The following ZDHHC14 variants were observed in gnomAD, a reference collection of about 807,000 sequenced individuals.
The protein encoded by ZDHHC14 is palmitoyltransferase ZDHHC14.
Under a neutral mutation model 47.7 loss-of-function variants are expected in ZDHHC14, and 16 were observed. That is an observed-to-expected ratio of 0.34 (90% CI 0.23 to 0.51). ZDHHC14 has a LOEUF of 0.51. Among genes scored for constraint, ZDHHC14 ranks in the 20% least tolerant of loss-of-function variants. The pLI is 0.97. For missense variants in ZDHHC14, 515 were observed against 662.5 expected (o/e 0.78, Z 2.44); for synonymous variants, 293 against 278.9 (o/e 1.05, Z -0.50).
At chr6:157,588,682 C>T (rs1783788095) in intron 2 of ZDHHC14, among the ~76,000 whole-genome samples, 1 of 152,206 alleles carries the variant, frequency 6.6e-6, no homozygotes, top group African/African-American at 2.4e-5. Flanking sequence ...TGTGGCCCCT[C>T]ACCTGACTAA....
chr6:157,522,961 CTTTCT>C (rs374064586), intron 1 of ZDHHC14, among the ~76,000 whole-genome samples: 1,996 of 46,342 alleles, frequency 0.043, 160 homozygotes, highest in South Asian at 0.058. Flanking sequence ...TTCCTTCCTT[CTTTCT>C]TTTCTTTTCT....
intron 1 of ZDHHC14, among the ~76,000 whole-genome samples, chr6:157,541,185 G>A (rs951981497): frequency 1.3e-5 from 2 of 151,834 alleles, no homozygotes; most frequent in African/African-American, 2.4e-5. Flanking sequence ...TAAATACTTC[G>A]CTGTACATCT....
At chr6:157,603,721 C>T (rs995234155) in intron 3 of ZDHHC14, among the ~76,000 whole-genome samples, 2 of 152,166 alleles carry the variant, frequency 1.3e-5, no homozygotes, top group African/African-American at 4.8e-5. Context: ...CGGCCCCGGG[C>T]GTTGGTTCAG....
At chr6:157,516,450 T>C (rs1780696597) in intron 1 of ZDHHC14, among the ~76,000 whole-genome samples, 1 of 152,202 alleles carries the variant, frequency 6.6e-6, no homozygotes, top group African/African-American at 2.4e-5. Flanking sequence ...GCCCGTGCTC[T>C]GTGTGTCTGC....
At chr6:157,544,425 A>G (rs1781887188) in intron 2 of ZDHHC14, among the ~76,000 whole-genome samples, 1 of 152,138 alleles carries the variant, frequency 6.6e-6, no homozygotes, top group South Asian at 2.1e-4. Flanking sequence ...AGGTGGGAGG[A>G]TCACCTGAGG....
chr6:157,491,343 T>G (rs996457180), intron 1 of ZDHHC14, among the ~76,000 whole-genome samples: 3 of 152,244 alleles, frequency 2.0e-5, no homozygotes, highest in Non-Finnish European at 4.4e-5. Flanking sequence ...TCTGAGCTTT[T>G]TCTGTGTTCG....
At chr6:157,498,779 A>G (rs1048754082) in intron 1 of ZDHHC14, among the ~76,000 whole-genome samples, 2 of 152,216 alleles carry the variant, frequency 1.3e-5, no homozygotes, top group African/African-American at 4.8e-5. Context: ...AATTCAGATA[A>G]AGGTGGTAGT....
chr6:157,433,440 T>G (rs1050927398), intron 1 of ZDHHC14, among the ~76,000 whole-genome samples: 2 of 152,142 alleles, frequency 1.3e-5, no homozygotes, highest in African/African-American at 4.8e-5. Context: ...AAGAAAAAGA[T>G]TACAAAAGTA....
At chr6:157,587,891 G>A (rs573289199) in intron 2 of ZDHHC14, among the ~76,000 whole-genome samples, 2 of 152,254 alleles carry the variant, frequency 1.3e-5, no homozygotes, top group East Asian at 1.9e-4. Flanking sequence ...CAAGGTAGGA[G>A]GATCACTAGC....
At chr6:157,447,832 C>T (rs1020960911) in intron 1 of ZDHHC14, among the ~76,000 whole-genome samples, 1 of 152,074 alleles carries the variant, frequency 6.6e-6, no homozygotes. Context: ...GGCTTTTCAC[C>T]TCAATGAAAC....
intron 1 of ZDHHC14, among the ~76,000 whole-genome samples, chr6:157,482,787 G>A (rs149588271): frequency 0.059 from 8,859 of 149,874 alleles, 885 homozygotes; most frequent in African/African-American, 0.21. Context: ...CTGTCACCCA[G>A]GCTGGAGTAC....
chr6:157,531,709 G>A (rs1177470703), intron 1 of ZDHHC14, among the ~76,000 whole-genome samples: 1 of 152,068 alleles, frequency 6.6e-6, no homozygotes, highest in Non-Finnish European at 1.5e-5. Context: ...TTCAGTGGCT[G>A]TGTGCCGAGT....
chr6:157,492,207 C>CCCCCCT (rs1554261216), intron 1 of ZDHHC14, among the ~76,000 whole-genome samples: 1 of 101,936 alleles, frequency 9.8e-6, no homozygotes, highest in Non-Finnish European at 2.1e-5. Context: ...TCCGCCCCCG[C>CCCCCCT]CCCCCAGCCA....
At chr6:157,406,723 G>T (rs1404230885) in intron 1 of ZDHHC14, among the ~76,000 whole-genome samples, 1 of 152,220 alleles carries the variant, frequency 6.6e-6, no homozygotes, top group Admixed American at 6.5e-5. Context: ...ATTCCATGAG[G>T]TCTACAGTGT....
At chr6:157,408,102 A>G (rs186547705) in intron 1 of ZDHHC14, among the ~76,000 whole-genome samples, 29 of 152,338 alleles carry the variant, frequency 1.9e-4, no homozygotes, top group African/African-American at 6.0e-4. Flanking sequence ...TAGGTGGGCT[A>G]TATCTCTGTT....
chr6:157,604,546 G>A (rs4709428), intron 3 of ZDHHC14, among the ~76,000 whole-genome samples: 44,362 of 150,896 alleles, frequency 0.29, 7,011 homozygotes, highest in East Asian at 0.56. Context: ...TTGTGTATTT[G>A]TTACTCTTTT....
chr6:157,604,111 ACTC>A (rs578139023), intron 3 of ZDHHC14, among the ~76,000 whole-genome samples: 17 of 152,052 alleles, frequency 1.1e-4, no homozygotes, highest in African/African-American at 3.9e-4. Context: ...ACATGGCAAA[ACTC>A]CATCTCTACA....
At chr6:157,585,693 T>TG (rs1416727146) in intron 2 of ZDHHC14, among the ~76,000 whole-genome samples, 2 of 152,212 alleles carry the variant, frequency 1.3e-5, no homozygotes, top group African/African-American at 4.8e-5. Context: ...AGCTGTTGGA[T>TG]GCATTGTGTG....
chr6:157,653,984 C>G (rs1329027397), intron 8 of ZDHHC14, among the ~76,000 whole-genome samples: 1 of 152,178 alleles, frequency 6.6e-6, no homozygotes, highest in Non-Finnish European at 1.5e-5. Flanking sequence ...ATTTCCCTTT[C>G]CGTCCCTTGG....
Sources: gnomAD v4.1 joint callset for allele counts (sites outside exome capture counted in the v4.1 genomes callset) on GRCh38, gnomAD v4.1.1 for gene constraint, MANE v1.5 for transcripts, NCBI Gene and HGNC (gene_info 2026-07-23, HGNC 2026-07-21) for gene names.